The following CCZ1B variants were observed in gnomAD, a reference collection of about 807,000 sequenced individuals.
The protein encoded by CCZ1B is vacuolar fusion protein CCZ1 homolog B.
A neutral mutation model predicts 58.8 loss-of-function variants in CCZ1B; 25 were observed. The ratio of observed to expected loss-of-function variants is 0.43; its 90% CI spans 0.31 to 0.59. The LOEUF is 0.59. Among genes scored for constraint, CCZ1B ranks in the 20% least tolerant of loss-of-function variants. The pLI, the probability that CCZ1B is intolerant of heterozygous loss-of-function variation, is 0.12. For missense variants in CCZ1B, 180 were observed against 501.5 expected (o/e 0.36, Z 6.12); for synonymous variants, 66 against 173.2 (o/e 0.38, Z 4.86).
rs759664929 is a variant in CCZ1B, at chr7:6,814,811, A to C, written c.733T>G (p.Tyr245Asp). The C allele has an allele frequency of 6.2e-7, 1 of 1,607,372 alleles. No individual in the cohort carries two copies. The highest frequency in any genetic ancestry group is 2.2e-5 in the East Asian group (1 of 44,868). Residue 245 changes from tyrosine (Y) to aspartate (D), a missense_variant, in exon 8 of 15, where the codon TAC becomes GAC. Tyr to Asp is a radical substitution (Grantham distance 160, BLOSUM62 -3). Coordinates refer to ENST00000316731, the MANE Select transcript of CCZ1B (RefSeq NM_198097.5). ...AAAAGGGAGGTGGTAAGGTATTTGT[A>C]TAAAATTCTCATGTCATCTTGTTCT... Reference protein sequence around the residue: ...GLEQDDMRILYKYLTTSLFPR... With the variant: ...GLEQDDMRILDKYLTTSLFPR...
chr7:6,817,265 G>T (rs1178030878), intron 7 of CCZ1B, among the ~76,000 whole-genome samples: 1 of 151,522 alleles, frequency 6.6e-6, no homozygotes, highest in South Asian at 2.1e-4. Flanking sequence ...TGTGACTCCA[G>T]GCTTCAAAGG....
rs1162485100 is a variant in CCZ1B, at chr7:6,810,233, G to C, written c.954+1719C>G. 2.0e-5 allele frequency among the ~76,000 whole-genome samples: 3 copies of C among 149,458 alleles called. 1 individual carries two copies. The highest frequency in any genetic ancestry group is 2.1e-4 in the South Asian group (1 of 4,730). On this transcript the variant is annotated intron_variant, in intron 10 of 14. Transcript: ENST00000316731. The stretch of plus-strand genomic sequence containing the variant: ...TCCCCATGTTGGCCAGGCTGGTCTC[G>C]AACTCCAGACCTCAGGTGATCCGCC...
chr7:6,823,934 T>C (rs1427571993), intron 4 of CCZ1B, 155 bp downstream of exon 4: 6 of 758,250 alleles, frequency 7.9e-6, no homozygotes, highest in East Asian at 3.0e-5. Flanking sequence ...TTTAAAAAGA[T>C]TGTGCTCATG....
intron 12 of CCZ1B, among the ~76,000 whole-genome samples, chr7:6,803,520 ACT>A (rs1199734132): frequency 1.2e-5 from 1 of 80,628 alleles, no homozygotes; most frequent in Non-Finnish European, 2.5e-5. Flanking sequence ...AAAGAGTGAA[ACT>A]CTGTCTCAAA....
At chr7:6,820,231 T>G (rs1008908451) in intron 6 of CCZ1B, among the ~76,000 whole-genome samples, 1 of 149,458 alleles carries the variant, frequency 6.7e-6, no homozygotes, top group Non-Finnish European at 1.5e-5. Context: ...CAGGCTGGAG[T>G]GCAGTGGTGC....
chr7:6,803,627 C>A (rs1782790780), intron 12 of CCZ1B, among the ~76,000 whole-genome samples: 1 of 139,722 alleles, frequency 7.2e-6, no homozygotes, highest in African/African-American at 2.6e-5. Context: ...CCTTTGCTCG[C>A]TTCTGCGCTC....
Position 6,815,761 on chromosome 7 carries a change from G to GA in CCZ1B, c.699-917dup, listed in dbSNP as rs761894411. 5.4e-5 allele frequency among the ~76,000 whole-genome samples: 8 copies of GA among 148,050 alleles called. 1 individual carries two copies. The highest frequency in any genetic ancestry group is 1.9e-4 in the East Asian group (1 of 5,170). On this transcript the variant is annotated intron_variant, in intron 7 of 14. Transcript: ENST00000316731. ...CTGTATTTTACATGCCATTTGAGATGAAAAAAAAAGTCACAAGGGATTGGA... is the reference window on the plus strand; with the variant it reads ...CTGTATTTTACATGCCATTTGAGATGAAAAAAAAAAGTCACAAGGGATTGGA...
chr7:6,800,807 T>C (rs909476651), intron 14 of CCZ1B, 141 bp downstream of exon 14: 3 of 337,844 alleles, frequency 8.9e-6, no homozygotes, highest in Admixed American at 5.5e-5. Flanking sequence ...GAACAGAAAA[T>C]GGATCAAATG....
intron 7 of CCZ1B, among the ~76,000 whole-genome samples, chr7:6,816,479 A>T (rs1312861127): frequency 6.7e-6 from 1 of 148,990 alleles, no homozygotes; most frequent in East Asian, 1.9e-4. Flanking sequence ...AATGAGACTC[A>T]GTCTCAAAAA....
intron 12 of CCZ1B, among the ~76,000 whole-genome samples, chr7:6,804,152 C>T (rs138593039): frequency 0.052 from 7,075 of 136,216 alleles, 1 homozygote; most frequent in African/African-American, 0.093. Context: ...TGGCCGGGTG[C>T]GGTAGCTCAC....
chr7:6,822,474 C>T, intron 5 of CCZ1B, 110 bp from the exon 6 acceptor site: 1 of 1,404,378 alleles, frequency 7.1e-7, no homozygotes, highest in Non-Finnish European at 9.5e-7. Flanking sequence ...ATTAAATCTC[C>T]CAGTTCTTTC....
intron 5 of CCZ1B, 169 bp from the exon 6 acceptor site, chr7:6,822,533 CA>C: frequency 8.0e-7 from 1 of 1,251,958 alleles, no homozygotes; most frequent in Non-Finnish European, 1.1e-6. Flanking sequence ...ATGTAAGTTA[CA>C]AAAAATACTG....
Position 6,823,331 on chromosome 7 carries a change from C to T in CCZ1B, c.420G>A (p.Gln140=). ...LDKVYSSVLR[Q]CYSMYKLFNG... ...CGCTTACCTTGTACATGCTGTAGCA[C>T]TGCCGCAGCACCGAGCTATAAACCT... Residue 140 remains glutamine, a synonymous_variant, in exon 5 of 15, where the codon CAG becomes CAA. Transcript: ENST00000316731. 1.2e-6 allele frequency: 2 copies of T among 1,607,820 alleles called. No homozygotes were observed. Among genetic ancestry groups the T allele is most frequent in the Non-Finnish European group, 1.7e-6 (2 of 1,177,776 alleles).
chr7:6,814,396 C>T (rs1193370278), intron 8 of CCZ1B, among the ~76,000 whole-genome samples: 2 of 149,028 alleles, frequency 1.3e-5, no homozygotes, highest in African/African-American at 2.5e-5. Flanking sequence ...ATTAGCTGGG[C>T]GTGGTGGCGG....
intron 7 of CCZ1B, among the ~76,000 whole-genome samples, chr7:6,818,617 CA>C (rs1273350554): frequency 3.6e-4 from 33 of 92,430 alleles, no homozygotes; most frequent in Middle Eastern, 6.1e-3. Context: ...GAAAGAAAGA[CA>C]AGAAAGAAAG....
Position 6,818,764 on chromosome 7 carries a change from A to C in CCZ1B, c.698+1002T>G, listed in dbSNP as rs145813801. Among the ~76,000 whole-genome samples the C allele has an allele frequency of 1.1e-3, 164 of 148,552 alleles. 4 individuals are homozygous for C. The East Asian group carries it at 0.031, about 28-fold the overall frequency. ...GAGGGCTCTAGTCAATGGGAACATA[A>C]AACTTGAGGGTCCCGGAACAGCTGC... is the stretch of plus-strand genomic sequence containing the variant. On this transcript the variant is annotated intron_variant, in intron 7 of 14. Coordinates refer to ENST00000316731, the MANE Select transcript of CCZ1B (RefSeq NM_198097.5).
In CCZ1B at chr7:6,810,403, GTCTC is replaced by G. The variant is rs1298473742; in HGVS notation, c.954+1545_954+1548del. 2.0e-5 allele frequency among the ~76,000 whole-genome samples: 3 copies of G among 149,338 alleles called. 1 individual carries two copies. Among genetic ancestry groups the G allele is most frequent in the Non-Finnish European group, 4.4e-5 (3 of 67,656 alleles). On this transcript the variant is annotated intron_variant, in intron 10 of 14. Coordinates refer to ENST00000316731, the MANE Select transcript of CCZ1B (RefSeq NM_198097.5). ...TTCATTTTCTCTCAGAACTTTGAAA[GTCTC>G]TCTTCCACTGTCACATAATGTCTGG...
At position 6,822,313 on chromosome 7, in the gene CCZ1B, G is replaced by A. The variant is rs1183641827; in HGVS notation, c.490C>T (p.Leu164=). The A allele has an allele frequency of 6.3e-7, 1 of 1,589,924 alleles. No homozygotes were observed. The highest frequency in any genetic ancestry group is 1.9e-5 in the Admixed American group (1 of 53,154). ...KAMEDGGVKL[L]KERLEKFFHR... ...AAGAATTTCTCTAATCTTTCTTTCA[G>A]AAGCTTGACGCCTCCGTCTTCCATG... The change falls in exon 6 of 15, where the codon CTG becomes TTG. Residue 164 remains leucine (L), a synonymous_variant. Transcript: ENST00000316731.
chr7:6,808,399 CAAAAAACAA>C (rs1782866469), intron 10 of CCZ1B, among the ~76,000 whole-genome samples: 2 of 51,358 alleles, frequency 3.9e-5, no homozygotes, highest in East Asian at 9.7e-4. Flanking sequence ...AAAAAAAAAA[CAAAAAACAA>C]AACAAAAACC....
Sources: gnomAD v4.1 joint callset for allele counts (sites outside exome capture counted in the v4.1 genomes callset) on GRCh38, gnomAD v4.1.1 for gene constraint, MANE v1.5 for transcripts, NCBI Gene and HGNC (gene_info 2026-07-23, HGNC 2026-07-21) for gene names.